The following FHIT variants were observed in gnomAD, a reference collection of about 807,000 sequenced individuals.
FHIT encodes fragile histidine triad diadenosine triphosphatase, also known as bis(5'-adenosyl)-triphosphatase.
FHIT carries 19 observed loss-of-function variants against 17.9 expected under a neutral mutation model. The ratio of observed to expected loss-of-function variants is 1.06; its 90% CI spans 0.74 to 1.56. The LOEUF is 1.56. FHIT is among the 40% of genes most tolerant of loss of function. FHIT has a pLI of 0.00. For synonymous variants in FHIT, 81 were observed against 69.7 expected, an observed-to-expected ratio of 1.16 and a Z score of -0.81; for missense variants, 248 against 189.2, an observed-to-expected ratio of 1.31 and a Z score of -1.82.
intron 4 of FHIT, among the ~76,000 whole-genome samples, chr3:60,551,013 C>G (rs1278814075): frequency 6.6e-6 from 1 of 152,120 alleles, no homozygotes; most frequent in African/African-American, 2.4e-5. Flanking sequence ...CACGTTTGAT[C>G]TGCGAGTTGA....
chr3:60,454,860 G>A (rs1295049342), intron 5 of FHIT, among the ~76,000 whole-genome samples: 3 of 151,902 alleles, frequency 2.0e-5, no homozygotes, highest in Non-Finnish European at 4.4e-5. Context: ...TAAAGATAAG[G>A]AAACTGAGGC....
intron 5 of FHIT, among the ~76,000 whole-genome samples, chr3:60,494,659 T>TA (rs923084978): frequency 5.9e-5 from 9 of 152,084 alleles, no homozygotes; most frequent in Non-Finnish European, 1.3e-4. Flanking sequence ...ATACTCCTTC[T>TA]ACTTACTACC....
At chr3:60,381,900 T>C (rs1186218330) in intron 5 of FHIT, among the ~76,000 whole-genome samples, 1 of 152,156 alleles carries the variant, frequency 6.6e-6, no homozygotes, top group Non-Finnish European at 1.5e-5. Context: ...AGAAAATGTG[T>C]CTCAAAGGCC....
chr3:60,018,973 T>C (rs1310211463), intron 5 of FHIT, among the ~76,000 whole-genome samples: 1 of 151,630 alleles, frequency 6.6e-6, no homozygotes, highest in Non-Finnish European at 1.5e-5. Flanking sequence ...AGAGCAAAAC[T>C]CTGTCTCAAA....
At chr3:60,814,263 T>C (rs782283143) in intron 4 of FHIT, among the ~76,000 whole-genome samples, 13 of 152,120 alleles carry the variant, frequency 8.5e-5, no homozygotes, top group Non-Finnish European at 1.5e-4. Context: ...CCTGGGTATA[T>C]TGCATCATGC....
chr3:59,831,891 G>A (rs1701176913), intron 8 of FHIT, among the ~76,000 whole-genome samples: 1 of 152,074 alleles, frequency 6.6e-6, no homozygotes, highest in Admixed American at 6.6e-5. Flanking sequence ...TCCTAGCCTG[G>A]GATTCAATTT....
At chr3:61,234,101 G>T (rs1352842006) in intron 1 of FHIT, among the ~76,000 whole-genome samples, 1 of 152,100 alleles carries the variant, frequency 6.6e-6, no homozygotes, top group Non-Finnish European at 1.5e-5. Flanking sequence ...AGACTGATGT[G>T]GTTAATTGCC....
intron 3 of FHIT, among the ~76,000 whole-genome samples, chr3:60,967,739 C>A (rs1291597493): frequency 6.6e-6 from 1 of 152,080 alleles, no homozygotes; most frequent in African/African-American, 2.4e-5. Context: ...TAGTGAGAGG[C>A]AACATTCATC....
chr3:60,513,025 T>C (rs2035008794), intron 5 of FHIT, among the ~76,000 whole-genome samples: 1 of 152,242 alleles, frequency 6.6e-6, no homozygotes, highest in Non-Finnish European at 1.5e-5. Flanking sequence ...ACTGAACTAA[T>C]GTGAATTTTC....
intron 8 of FHIT, among the ~76,000 whole-genome samples, chr3:59,885,678 T>A (rs905601895): frequency 6.6e-6 from 1 of 152,232 alleles, no homozygotes; most frequent in Non-Finnish European, 1.5e-5. Flanking sequence ...CTGAAATACA[T>A]GTGCCTGGGG....
At chr3:60,774,263 GT>G (rs1187760939) in intron 4 of FHIT, among the ~76,000 whole-genome samples, 3 of 150,028 alleles carry the variant, frequency 2.0e-5, no homozygotes, top group African/African-American at 7.6e-5. Context: ...TATACATACT[GT>G]TTTTTCCCTA....
At chr3:59,961,130 A>C (rs960687368) in intron 7 of FHIT, among the ~76,000 whole-genome samples, 1 of 152,154 alleles carries the variant, frequency 6.6e-6, no homozygotes, top group African/African-American at 2.4e-5. Flanking sequence ...TACCATGACT[A>C]ATTGGAGGAT....
chr3:60,807,587 CAAAAAT>C (rs1289525297), intron 4 of FHIT, among the ~76,000 whole-genome samples: 1 of 151,984 alleles, frequency 6.6e-6, no homozygotes, highest in African/African-American at 2.4e-5. Context: ...TACTCTGTCT[CAAAAAT>C]AAAGTAAAAT....
chr3:61,174,136 A>G (rs1022812689), intron 2 of FHIT, among the ~76,000 whole-genome samples: 1 of 152,200 alleles, frequency 6.6e-6, no homozygotes, highest in African/African-American at 2.4e-5. Context: ...GTACCAACAT[A>G]CATCTTCCCC....
chr3:60,980,655 G>A (rs891091817), intron 3 of FHIT, among the ~76,000 whole-genome samples: 1 of 152,154 alleles, frequency 6.6e-6, no homozygotes, highest in Non-Finnish European at 1.5e-5. Flanking sequence ...ATGGGGGAAT[G>A]GGGACATTTA....
chr3:61,070,926 G>T (rs1162131802), intron 2 of FHIT, among the ~76,000 whole-genome samples: 1 of 152,112 alleles, frequency 6.6e-6, no homozygotes, highest in Admixed American at 6.5e-5. Context: ...TATCATAAAA[G>T]TTAAAATTAT....
intron 5 of FHIT, among the ~76,000 whole-genome samples, chr3:60,209,401 T>C (rs1428753233): frequency 6.6e-6 from 1 of 152,170 alleles, no homozygotes; most frequent in Admixed American, 6.5e-5. Context: ...AAGAAGCTTA[T>C]GGTCCAGAAA....
At chr3:60,441,815 T>TATATTTATATATATAA (rs2030903156) in intron 5 of FHIT, among the ~76,000 whole-genome samples, 1 of 127,406 alleles carries the variant, frequency 7.8e-6, no homozygotes, top group Non-Finnish European at 1.6e-5. Flanking sequence ...TATATATATA[T>TATATTTATATATATAA]CAGGTCATTT....
intron 7 of FHIT, among the ~76,000 whole-genome samples, chr3:59,971,030 GT>G (rs1385393878): frequency 1.3e-5 from 2 of 152,008 alleles, no homozygotes; most frequent in African/African-American, 4.8e-5. Flanking sequence ...CAATTATGGG[GT>G]CAGAGCCCAG....
Sources: gnomAD v4.1 joint callset for allele counts (sites outside exome capture counted in the v4.1 genomes callset) on GRCh38, gnomAD v4.1.1 for gene constraint, MANE v1.5 for transcripts, NCBI Gene and HGNC (gene_info 2026-07-23, HGNC 2026-07-21) for gene names.